CCDC169: variants seen among roughly 807,000 people sequenced by gnomAD.
CCDC169 encodes the protein coiled-coil domain-containing protein 169.
In CCDC169, 30 loss-of-function variants were observed where a neutral mutation model predicts 36.0. The ratio of observed to expected loss-of-function variants is 0.83; its 90% confidence interval spans 0.62 to 1.13. The LOEUF (loss-of-function observed/expected upper bound fraction) is 1.13, where lower values mean the gene tolerates loss of function less well. Among genes scored for constraint, CCDC169 ranks in the 50% most tolerant of loss-of-function variants. The pLI is 0.00. For missense variants in CCDC169, 245 were observed against 245.9 expected (o/e 1.00, Z 0.03); for synonymous variants, 85 against 81.5 (o/e 1.04, Z -0.23).
chr13:36,250,996 T>G (rs758108707), intron 6 of CCDC169, among the ~76,000 whole-genome samples: 1 of 152,224 alleles, frequency 6.6e-6, no homozygotes. Context: ...AGCTAAAACT[T>G]AAGTTTATTA....
At chr13:36,254,267 GAT>G (rs1873544156) in intron 4 of CCDC169, 124 bp from the exon 5 acceptor site, 26 of 436,192 alleles carry the variant, frequency 6.0e-5, no homozygotes, top group Non-Finnish European at 8.7e-5. Context: ...ATAATTCTAT[GAT>G]ATGTACTTTT....
intron 7 of CCDC169, among the ~76,000 whole-genome samples, chr13:36,236,325 G>T (rs1871076956): frequency 6.6e-6 from 1 of 152,022 alleles, no homozygotes; most frequent in Admixed American, 6.6e-5. Flanking sequence ...AAACACAACT[G>T]GGAGTCTAAG....
At chr13:36,291,242 C>T (rs959997428) in intron 2 of CCDC169, among the ~76,000 whole-genome samples, 3 of 152,210 alleles carry the variant, frequency 2.0e-5, no homozygotes, top group African/African-American at 7.2e-5. Flanking sequence ...CACTTACTAA[C>T]AAAGTCTCTC....
At chr13:36,292,402 T>C (rs1042250688) in intron 2 of CCDC169, among the ~76,000 whole-genome samples, 3 of 152,186 alleles carry the variant, frequency 2.0e-5, no homozygotes, top group Admixed American at 2.0e-4. Context: ...AAATACTAAT[T>C]CTTCTTGCTT....
chr13:36,236,676 C>G (rs1432256097), intron 7 of CCDC169, among the ~76,000 whole-genome samples: 1 of 151,900 alleles, frequency 6.6e-6, no homozygotes, highest in East Asian at 1.9e-4. Context: ...AATAAAAATA[C>G]CATCCATAGA....
downstream of CCDC169, chr13:36,224,181 A>G (rs1246804658): frequency 6.6e-6 from 1 of 152,210 alleles, no homozygotes; most frequent in Non-Finnish European, 1.5e-5. Flanking sequence ...ATTGGGAATT[A>G]GCATGTAATG....
chr13:36,244,548 G>A (rs1250996891), intron 7 of CCDC169: 2 of 152,170 alleles, frequency 1.3e-5, no homozygotes, highest in Non-Finnish European at 2.9e-5. Flanking sequence ...CTAGTTTTCT[G>A]AGAATTCATC....
downstream of CCDC169, chr13:36,227,517 A>AGT (rs1555247859): frequency 8.5e-3 from 2,865 of 338,116 alleles, 70 homozygotes; most frequent in African/African-American, 0.067. Flanking sequence ...TAAATAAATA[A>AGT]AAGCTCTATA....
intron 7 of CCDC169, among the ~76,000 whole-genome samples, chr13:36,243,532 C>T (rs994518066): frequency 4.0e-5 from 6 of 148,214 alleles, no homozygotes; most frequent in South Asian, 2.2e-4. Flanking sequence ...TAAGGCCAGG[C>T]ACGGTGGCTC....
chr13:36,231,528 G>A (rs1206973702), intron 7 of CCDC169, among the ~76,000 whole-genome samples: 1 of 152,166 alleles, frequency 6.6e-6, no homozygotes, highest in East Asian at 1.9e-4. Context: ...TAATTCAAAG[G>A]CTGGAAGCAG....
chr13:36,256,347 G>T (rs1442507941), intron 4 of CCDC169, among the ~76,000 whole-genome samples: 1 of 152,240 alleles, frequency 6.6e-6, no homozygotes, highest in South Asian at 2.1e-4. Flanking sequence ...CTGCATGGCT[G>T]GGGAGGCCTC....
At chr13:36,234,990 A>C (rs1870904769) in intron 7 of CCDC169, among the ~76,000 whole-genome samples, 1 of 152,124 alleles carries the variant, frequency 6.6e-6, no homozygotes, top group African/African-American at 2.4e-5. Flanking sequence ...GATTAAGAAA[A>C]TAACTGCATG....
At chr13:36,236,944 C>T (rs188083324) in intron 7 of CCDC169, among the ~76,000 whole-genome samples, 10 of 151,264 alleles carry the variant, frequency 6.6e-5, no homozygotes, top group African/African-American at 2.4e-4. Context: ...AATGTACACA[C>T]ATAATCCAGT....
intron 7 of CCDC169, 159 bp downstream of exon 7, chr13:36,248,447 A>T: frequency 1.8e-6 from 1 of 551,150 alleles, no homozygotes; most frequent in Non-Finnish European, 3.0e-6. Flanking sequence ...ATAGTGGAAC[A>T]GATCACAACT....
chr13:36,223,211 T>C (rs2138354203), downstream of CCDC169: 1 of 152,300 alleles, frequency 6.6e-6, no homozygotes, highest in African/African-American at 2.4e-5. Flanking sequence ...TTGTCTCATG[T>C]TTTGTTGTGT....
intron 7 of CCDC169, among the ~76,000 whole-genome samples, chr13:36,232,341 T>A (rs989850683): frequency 6.6e-6 from 1 of 152,250 alleles, no homozygotes; most frequent in Non-Finnish European, 1.5e-5. Flanking sequence ...TACAAAGCTA[T>A]CTTTATTTGA....
chr13:36,286,683 T>C (rs1354260057), intron 2 of CCDC169, among the ~76,000 whole-genome samples: 1 of 152,130 alleles, frequency 6.6e-6, no homozygotes, highest in East Asian at 1.9e-4. Context: ...TCTACAGCCC[T>C]ACTCTTCTCA....
Position 36,273,558 on chromosome 13 carries a change from C to T in CCDC169, c.315+9911G>A, listed in dbSNP as rs553776471. Among the ~76,000 whole-genome samples the T allele has an allele frequency of 2.0e-4, 30 of 152,250 alleles. No individual in the cohort carries two copies. In the East Asian group the frequency reaches 4.8e-3, roughly 24 times the overall value. On this transcript the variant is annotated intron_variant, in intron 4 of 7. Transcript: ENST00000239859. ...GGAACATTCTAATTATGCACATTTG[C>T]ATTTTTTAAAGCACAATAATACTAC...
intron 2 of CCDC169, among the ~76,000 whole-genome samples, chr13:36,286,928 T>C (rs944742841): frequency 6.6e-6 from 1 of 152,122 alleles, no homozygotes; most frequent in Non-Finnish European, 1.5e-5. Context: ...CTTTCTCCTC[T>C]CCACTCCTTT....
Sources: allele counts gnomAD v4.1 joint callset (sites outside exome capture counted in the v4.1 genomes callset), GRCh38; gene constraint gnomAD v4.1.1; transcripts MANE v1.5; gene names NCBI Gene and HGNC (gene_info 2026-07-23, HGNC 2026-07-21).